The following ENTREP2 variants were observed in gnomAD, a reference collection of about 807,000 sequenced individuals.
ENTREP2 encodes endosomal transmembrane epsin interactor 2, also known as protein ENTREP2.
chr15:29,279,207 C>T, the ENTREP2 span, among the ~76,000 whole-genome samples: 9,521 of 152,212 alleles, frequency 0.063, 919 homozygotes, highest in African/African-American at 0.2. Context: ...GTGCCACCGC[C>T]ACACTGCCTG....
At chr15:29,544,134 C>A in the ENTREP2 span, among the ~76,000 whole-genome samples, 58,954 of 151,912 alleles carry the variant, frequency 0.39, 11,575 homozygotes, top group African/African-American at 0.43. Flanking sequence ...CCCTTTAAGG[C>A]ATTTAATAAT....
the ENTREP2 span, among the ~76,000 whole-genome samples, chr15:29,639,837 C>T: frequency 5.1e-4 from 76 of 148,440 alleles, no homozygotes; most frequent in African/African-American, 1.7e-3. Flanking sequence ...GGCATAATCT[C>T]GGCTCACTGC....
chr15:29,451,293 C>CCTCGCCT, the ENTREP2 span, among the ~76,000 whole-genome samples: 3 of 152,224 alleles, frequency 2.0e-5, no homozygotes, highest in Non-Finnish European at 4.4e-5. Context: ...GGCCCTCGGC[C>CCTCGCCT]CTCGCCTCTC....
chr15:29,355,773 C>T, the ENTREP2 span, among the ~76,000 whole-genome samples: 1 of 152,024 alleles, frequency 6.6e-6, no homozygotes, highest in Admixed American at 6.6e-5. Context: ...ACCCATGTCC[C>T]CATGGTGAAG....
the ENTREP2 span, among the ~76,000 whole-genome samples, chr15:29,147,416 T>C: frequency 1.4e-5 from 2 of 147,388 alleles, no homozygotes. Flanking sequence ...GTGAAGAAAC[T>C]GGAACCAAAA....
At chr15:29,528,235 T>C in the ENTREP2 span, among the ~76,000 whole-genome samples, 132 of 151,978 alleles carry the variant, frequency 8.7e-4, 3 homozygotes, top group South Asian at 0.026. Context: ...CGTAGTATCA[T>C]GTGACAGCAT....
At chr15:29,669,441 C>G in the ENTREP2 span, among the ~76,000 whole-genome samples, 1 of 152,198 alleles carries the variant, frequency 6.6e-6, no homozygotes, top group African/African-American at 2.4e-5. Context: ...GAGTCCCCAC[C>G]AGCAAGAAGC....
At chr15:29,565,739 G>A in the ENTREP2 span, among the ~76,000 whole-genome samples, 22 of 152,216 alleles carry the variant, frequency 1.4e-4, no homozygotes, top group Admixed American at 5.2e-4. Context: ...TGAGGCAGGC[G>A]GATCACGAGG....
chr15:29,465,012 C>T, the ENTREP2 span, among the ~76,000 whole-genome samples: 1 of 152,028 alleles, frequency 6.6e-6, no homozygotes, highest in Non-Finnish European at 1.5e-5. Flanking sequence ...CTGTAGGACA[C>T]AGTGGAAAGG....
the ENTREP2 span, among the ~76,000 whole-genome samples, chr15:29,361,096 G>A: frequency 6.6e-6 from 1 of 152,150 alleles, no homozygotes; most frequent in African/African-American, 2.4e-5. Flanking sequence ...GGCCTGCAAG[G>A]AGTCTACTCT....
chr15:29,269,771 G>A, the ENTREP2 span: 33 of 1,380,676 alleles, frequency 2.4e-5, no homozygotes, highest in Admixed American at 1.5e-4. Flanking sequence ...ATTGCGGGTC[G>A]GCGACCCGCT....
At chr15:29,138,277 C>T in the ENTREP2 span, among the ~76,000 whole-genome samples, 2 of 152,118 alleles carry the variant, frequency 1.3e-5, no homozygotes, top group Non-Finnish European at 2.9e-5. Flanking sequence ...AAAATGAAAC[C>T]TGTTTCTGCC....
the ENTREP2 span, among the ~76,000 whole-genome samples, chr15:29,220,030 T>G: frequency 0.012 from 1,857 of 151,976 alleles, 40 homozygotes; most frequent in African/African-American, 0.042. Context: ...AAAATAAAAA[T>G]AAAAAAGAAA....
At chr15:29,160,535 C>T in the ENTREP2 span, among the ~76,000 whole-genome samples, 1 of 151,816 alleles carries the variant, frequency 6.6e-6, no homozygotes, top group Non-Finnish European at 1.5e-5. Flanking sequence ...ATGATGAAAC[C>T]CTGCCTCTAC....
chr15:29,352,945 C>T, the ENTREP2 span, among the ~76,000 whole-genome samples: 1 of 152,196 alleles, frequency 6.6e-6, no homozygotes, highest in Non-Finnish European at 1.5e-5. Flanking sequence ...TGAGTTCTAT[C>T]TCTTGTTTCT....
At chr15:29,577,313 G>GGTTGTGT in the ENTREP2 span, among the ~76,000 whole-genome samples, 1 of 139,802 alleles carries the variant, frequency 7.2e-6, no homozygotes, top group Non-Finnish European at 1.5e-5. Context: ...GACTCAAAGA[G>GGTTGTGT]GTGTGTGTGT....
chr15:29,633,751 G>A, the ENTREP2 span, among the ~76,000 whole-genome samples: 1 of 151,822 alleles, frequency 6.6e-6, no homozygotes, highest in Non-Finnish European at 1.5e-5. Flanking sequence ...ACCTGAGCTC[G>A]GGAGTTCAAC....
chr15:29,253,543 A>G, the ENTREP2 span, among the ~76,000 whole-genome samples: 1 of 151,548 alleles, frequency 6.6e-6, no homozygotes, highest in East Asian at 2.0e-4. Flanking sequence ...CCCGGGTTCA[A>G]GCGATTATCT....
At chr15:29,257,366 C>T in the ENTREP2 span, among the ~76,000 whole-genome samples, 1 of 152,186 alleles carries the variant, frequency 6.6e-6, no homozygotes, top group Non-Finnish European at 1.5e-5. Flanking sequence ...AGCCACCGCG[C>T]CAGGCCAAAT....
Sources: gnomAD v4.1 joint callset for allele counts (sites outside exome capture counted in the v4.1 genomes callset) on GRCh38, gnomAD v4.1.1 for gene constraint, MANE v1.5 for transcripts, NCBI Gene and HGNC (gene_info 2026-07-23, HGNC 2026-07-21) for gene names.